SLCO2A1: variants seen among roughly 807,000 people sequenced by gnomAD.
The protein encoded by SLCO2A1 is matrin F/G 1.
A neutral mutation model predicts 71.7 loss-of-function variants in SLCO2A1; 60 were observed. The observed-to-expected ratio is 0.84, with a 90% CI of 0.68 to 1.04. SLCO2A1 has a LOEUF of 1.04. Ranked by LOEUF, SLCO2A1 falls within the 50% of genes least tolerant of loss-of-function variation. SLCO2A1 has a pLI of 0.00. For missense variants in SLCO2A1, 745 were observed against 813.4 expected (o/e 0.92, Z 1.02); for synonymous variants, 308 against 326.7 (o/e 0.94, Z 0.62).
intron 2 of SLCO2A1, 56 bp downstream of exon 2, chr3:133,979,425 C>T: frequency 6.2e-7 from 1 of 1,609,244 alleles, no homozygotes; most frequent in Non-Finnish European, 8.5e-7. Flanking sequence ...TCTCCTGGAT[C>T]TTGTGGTCAG....
At chr3:134,028,539 G>C (rs1935742719) in intron 1 of SLCO2A1, among the ~76,000 whole-genome samples, 1 of 152,194 alleles carries the variant, frequency 6.6e-6, no homozygotes, top group East Asian at 1.9e-4. Flanking sequence ...TCCCAGCTGA[G>C]TAAGTATGCA....
chr3:133,991,039 G>A lies in SLCO2A1; in HGVS notation c.97-11421C>T, dbSNP rs189547354. Among the ~76,000 whole-genome samples, 3 of 152,254 alleles carry A rather than the reference G, an allele frequency of 2.0e-5. No homozygotes were observed. The East Asian group carries it at 5.8e-4, about 29-fold the overall frequency. On this transcript the variant is annotated intron_variant, in intron 1 of 13. Coordinates refer to ENST00000310926, the MANE Select transcript of SLCO2A1 (RefSeq NM_005630.3). ...GCAGGAGAATCGCTTAAACCTGGGA[G>A]GCAGAGACTGCAGTGAGCCAAGATC... is the stretch of plus-strand genomic sequence containing the variant.
intron 1 of SLCO2A1, among the ~76,000 whole-genome samples, chr3:133,999,294 T>G (rs1024580156): frequency 7.9e-5 from 12 of 152,170 alleles, no homozygotes; most frequent in African/African-American, 2.4e-4. Context: ...CCTCTGGCAA[T>G]GATGCACACA....
At chr3:133,957,565 A>C (rs1468949060) in intron 3 of SLCO2A1, among the ~76,000 whole-genome samples, 1 of 152,152 alleles carries the variant, frequency 6.6e-6, no homozygotes, top group Non-Finnish European at 1.5e-5. Context: ...CACATTTTTC[A>C]GGGATGGAAG....
At chr3:133,997,982 C>T (rs1935010413) in intron 1 of SLCO2A1, among the ~76,000 whole-genome samples, 2 of 152,238 alleles carry the variant, frequency 1.3e-5, no homozygotes, top group Non-Finnish European at 2.9e-5. Flanking sequence ...CACAGCCTTG[C>T]TCACGGTGCC....
intron 11 of SLCO2A1, among the ~76,000 whole-genome samples, chr3:133,940,895 C>G (rs1319437273): frequency 2.0e-5 from 3 of 152,146 alleles, no homozygotes; most frequent in African/African-American, 7.2e-5. Context: ...AACGTTTCCT[C>G]CAAGACCAGG....
At chr3:133,975,341 C>A (rs1403991528) in intron 2 of SLCO2A1, among the ~76,000 whole-genome samples, 1 of 152,196 alleles carries the variant, frequency 6.6e-6, no homozygotes, top group African/African-American at 2.4e-5. Flanking sequence ...ACTTCTCTCA[C>A]ACTCATATCT....
chr3:133,934,641 A>G lies in SLCO2A1; in HGVS notation c.*72T>C. On this transcript the variant is annotated 3_prime_UTR_variant, in exon 14 of 14. Coordinates refer to ENST00000310926, the MANE Select transcript of SLCO2A1 (RefSeq NM_005630.3). ...TACAAAAAGGAAATGACGTGTTAAC[A>G]TTAGTGAGTATAGGCAGGTGTGGAA... The G allele has an allele frequency of 9.7e-7, 1 of 1,034,586 alleles. No homozygotes were observed. Among genetic ancestry groups the G allele is most frequent in the Non-Finnish European group, 1.5e-6 (1 of 672,054 alleles). 64.1% of individuals were successfully genotyped at this position (1,034,586 alleles called of 1,614,324 possible). A position where few individuals can be genotyped will look rare whatever the true frequency, so the allele number is the denominator to read the frequency against.
At chr3:134,021,828 TTCTC>T (rs60242195) in intron 1 of SLCO2A1, among the ~76,000 whole-genome samples, 78,196 of 151,368 alleles carry the variant, frequency 0.52, 21,629 homozygotes, top group South Asian at 0.68. Context: ...ATTGAAGGTA[TTCTC>T]TGTAACCTAT....
intron 4 of SLCO2A1, among the ~76,000 whole-genome samples, 168 bp from the exon 5 acceptor site, chr3:133,953,929 T>C (rs1471298457): frequency 6.6e-6 from 1 of 152,042 alleles, no homozygotes; most frequent in Non-Finnish European, 1.5e-5. Context: ...CACTCAAGAT[T>C]CCAAGACATA....
chr3:133,982,794 C>T (rs1934624104), intron 1 of SLCO2A1, among the ~76,000 whole-genome samples: 1 of 152,054 alleles, frequency 6.6e-6, no homozygotes, highest in African/African-American at 2.4e-5. Flanking sequence ...AATCTTCCAC[C>T]ACACCACCCC....
chr3:134,027,155 T>C (rs1935714511), intron 1 of SLCO2A1, among the ~76,000 whole-genome samples: 1 of 152,182 alleles, frequency 6.6e-6, no homozygotes, highest in Non-Finnish European at 1.5e-5. Flanking sequence ...ACTCCCACTA[T>C]TGAGTGAGAA....
chr3:133,951,222 G>A lies in SLCO2A1; in HGVS notation c.847C>T (p.Pro283Ser), dbSNP rs79619371. The A allele has an allele frequency of 1.5e-3, 2,461 of 1,613,998 alleles. 1 individual carries two copies. The highest frequency in any genetic ancestry group is 1.9e-3 in the Non-Finnish European group (2,257 of 1,179,986). ...FPFFFFPRAM[P>S]IGAKRAPATA... is the part of the protein sequence containing the mutation. ...TGGAACCTTACCTTTGCTCCTATGG[G>A]CATTGCTCGAGGGAAGAAAAAAAAG... is the stretch of plus-strand genomic sequence containing the variant. The change falls in exon 6 of 14, where the codon CCC becomes TCC. Residue 283 changes from proline to serine, a missense_variant. Transcript: ENST00000310926.
rs908053982 is a variant in SLCO2A1 at position 133,932,939 on chromosome 3, C to T, written c.*1774G>A. On this transcript the variant is annotated 3_prime_UTR_variant, in exon 14 of 14. Transcript: ENST00000310926. The stretch of plus-strand genomic sequence containing the variant: ...GCCCCTGAGGTTACATTGAGCCTCC[C>T]TTCCTGAGTGAGATGTTTGGAAATG... The T allele has an allele frequency of 5.2e-5, 8 of 152,640 alleles. No individual in the cohort carries two copies. The highest frequency in any genetic ancestry group is 2.0e-4 in the Admixed American group (3 of 15,282). 9.5% of individuals were successfully genotyped at this position (152,640 alleles called of 1,614,324 possible). A position where few individuals can be genotyped will look rare whatever the true frequency, so the allele number is the denominator to read the frequency against.
At chr3:133,979,361 G>A (rs947322119) in intron 2 of SLCO2A1, 120 bp downstream of exon 2, 34 of 1,260,578 alleles carry the variant, frequency 2.7e-5, no homozygotes, top group Admixed American at 7.0e-5. Flanking sequence ...GCTGTTACCC[G>A]GCAGAAAGAG....
At chr3:133,948,040 C>T (rs1172120355) in intron 8 of SLCO2A1, among the ~76,000 whole-genome samples, 5 of 152,138 alleles carry the variant, frequency 3.3e-5, no homozygotes, top group Admixed American at 6.5e-5. Context: ...ATTCTGGTTT[C>T]GTTAACCTGG....
At chr3:134,027,298 C>T (rs1426338695) in intron 1 of SLCO2A1, among the ~76,000 whole-genome samples, 1 of 152,160 alleles carries the variant, frequency 6.6e-6, no homozygotes, top group African/African-American at 2.4e-5. Context: ...CGGAGCCGCA[C>T]CCTAGCGCTG....
At chr3:134,027,464 G>A (rs1222270631) in intron 1 of SLCO2A1, among the ~76,000 whole-genome samples, 1 of 152,154 alleles carries the variant, frequency 6.6e-6, no homozygotes, top group Non-Finnish European at 1.5e-5. Flanking sequence ...TTGCTCAATC[G>A]ATCACGACCC....
At chr3:133,999,824 GAA>G (rs1935063010) in intron 1 of SLCO2A1, among the ~76,000 whole-genome samples, 1 of 152,188 alleles carries the variant, frequency 6.6e-6, no homozygotes, top group Admixed American at 6.5e-5. Context: ...GGTGAGAAGA[GAA>G]AACCAAGTCA....
Sources: gnomAD v4.1 joint callset for allele counts (sites outside exome capture counted in the v4.1 genomes callset) on GRCh38, gnomAD v4.1.1 for gene constraint, MANE v1.5 for transcripts, NCBI Gene and HGNC (gene_info 2026-07-23, HGNC 2026-07-21) for gene names.